Variants in ZC3H7B observed in about 807,000 individuals in gnomAD.
ZC3H7B encodes the protein zinc finger CCCH domain-containing protein 7B.
In ZC3H7B, 35 loss-of-function variants were observed where a neutral mutation model predicts 116.0. That is an observed-to-expected ratio of 0.30 (90% CI 0.23 to 0.40). ZC3H7B has a LOEUF of 0.40. ZC3H7B is among the 10% of genes least tolerant of loss of function. The probability of loss-of-function intolerance (pLI) is 1.00; values close to 1 mark genes in which losing one functional copy is unlikely to be tolerated. For synonymous variants in ZC3H7B, 502 were observed against 545.6 expected (o/e 0.92, Z 1.11); for missense variants, 1,011 against 1,321.5 (o/e 0.77, Z 3.64).
At chr22:41,305,994 A>G (rs1018325879) in intron 1 of ZC3H7B, among the ~76,000 whole-genome samples, 1 of 152,214 alleles carries the variant, frequency 6.6e-6, no homozygotes, top group Non-Finnish European at 1.5e-5. Context: ...TGCCATTTGA[A>G]CATCTGAAAG....
rs1419393983 is a variant in ZC3H7B at position 41,330,161 on chromosome 22, G to A, written c.525+58G>A. ...GTGGACGTGAGGAGGTCTGAAGGGA[G>A]GGACCAGGCTCCGTGGGGAAGGTGG... On this transcript the variant is annotated intron_variant, in intron 6 of 22. Transcript: ENST00000352645. 8.8e-6 allele frequency: 14 copies of A among 1,586,118 alleles called. No homozygotes were observed. In the East Asian group the frequency reaches 2.5e-4, roughly 28 times the overall value.
rs558808065 is a variant in ZC3H7B at position 41,314,123 on chromosome 22, G to A, written c.-6-6532G>A. On this transcript the variant is annotated intron_variant, in intron 1 of 22. Transcript: ENST00000352645. ...ATTTTCCTGTGAATTTCCTTTTTAT[G>A]TTTTTTGCCCTTTTTAATTTTTATT... 6.6e-5 allele frequency among the ~76,000 whole-genome samples: 10 copies of A among 151,284 alleles called. No individual in the cohort carries two copies. The East Asian group carries it at 1.9e-3, about 29-fold the overall frequency.
At position 41,346,308 on chromosome 22, in the gene ZC3H7B, C is replaced by T. The variant is rs7290005; in HGVS notation, c.1665+100C>T. ...CACCATAGGAAGTCAGCCCTGGAAC[C>T]CGTGGGCTGTGGAGGCCTGGTCTTA... On this transcript the variant is annotated intron_variant, in intron 14 of 22. Transcript: ENST00000352645. This position sits in a 1 kb window ranked among gnomAD's most constrained non-coding sequence, Gnocchi z 5.3. The T allele has an allele frequency of 0.044, 59,948 of 1,361,956 alleles. 1,612 individuals are homozygous for T. Among genetic ancestry groups the T allele is most frequent in the Middle Eastern group, 0.091 (359 of 3,964 alleles). 84.4% of individuals were successfully genotyped at this position (1,361,956 alleles called of 1,614,324 possible). A position where few individuals can be genotyped will look rare whatever the true frequency, so the allele number is the denominator to read the frequency against.
At chr22:41,344,190 G>C (rs1004252076) in intron 13 of ZC3H7B, among the ~76,000 whole-genome samples, 15 of 152,214 alleles carry the variant, frequency 9.9e-5, no homozygotes, top group East Asian at 9.6e-4. Flanking sequence ...CCAGCATGCA[G>C]CCTCACAGCT....
chr22:41,314,790 A>G (rs930680744), intron 1 of ZC3H7B, among the ~76,000 whole-genome samples: 2 of 147,026 alleles, frequency 1.4e-5, no homozygotes, highest in Non-Finnish European at 3.0e-5. Flanking sequence ...TTGTATTTTT[A>G]GTAGAGACAG....
At chr22:41,306,830 C>T (rs1298205239) in intron 1 of ZC3H7B, among the ~76,000 whole-genome samples, 1 of 152,114 alleles carries the variant, frequency 6.6e-6, no homozygotes, top group African/African-American at 2.4e-5. Flanking sequence ...TGGTGTGGGC[C>T]TGGGAAGGAG....
intron 15 of ZC3H7B, 127 bp from the exon 16 acceptor site, chr22:41,348,993 C>A (rs1023449095): frequency 3.8e-6 from 4 of 1,061,692 alleles, no homozygotes; most frequent in Non-Finnish European, 5.4e-6. Flanking sequence ...CATCCATGGC[C>A]TGGATTTGGT....
intron 10 of ZC3H7B, 123 bp downstream of exon 10, chr22:41,340,260 C>T (rs2036504452): frequency 1.9e-6 from 2 of 1,076,770 alleles, no homozygotes; most frequent in East Asian, 2.6e-5. Context: ...CCTTAGCAAT[C>T]CCAGGCCATG....
At chr22:41,333,559 C>T (rs1447987380) in intron 7 of ZC3H7B, 1 of 152,046 alleles carries the variant, frequency 6.6e-6, no homozygotes, top group African/African-American at 2.4e-5. Flanking sequence ...CCAGGAGGCA[C>T]AGTTTGCAGT....
intron 22 of ZC3H7B, 51 bp downstream of exon 22, chr22:41,356,859 T>C: frequency 6.2e-7 from 1 of 1,607,028 alleles, no homozygotes; most frequent in Non-Finnish European, 8.5e-7. Flanking sequence ...CCCGAGGAGA[T>C]GGAGTCCGTG....
chr22:41,303,867 C>A (rs1019902131), intron 1 of ZC3H7B, among the ~76,000 whole-genome samples: 5 of 150,960 alleles, frequency 3.3e-5, no homozygotes, highest in African/African-American at 4.9e-5. Flanking sequence ...ACGCCATTCT[C>A]CTGCCTCAGC....
At chr22:41,317,666 C>G (rs2036201531) in intron 1 of ZC3H7B, among the ~76,000 whole-genome samples, 1 of 152,154 alleles carries the variant, frequency 6.6e-6, no homozygotes, top group South Asian at 2.1e-4. Flanking sequence ...GTGTGGTGGT[C>G]CCAGCTACTC....
Position 41,339,013 on chromosome 22 carries a change from A to C in ZC3H7B, c.638A>C (p.Asp213Ala). The C allele has an allele frequency of 6.3e-7, 1 of 1,587,216 alleles. No individual in the cohort carries two copies. Among genetic ancestry groups the C allele is most frequent in the Non-Finnish European group, 8.6e-7 (1 of 1,164,416 alleles). The change falls in exon 9 of 23, where the codon GAC (aspartate) becomes GCC (alanine). Residue 213 changes from aspartate to alanine, a missense_variant. By Grantham distance (126) the Asp-to-Ala change is moderately radical (BLOSUM62 -2). Transcript: ENST00000352645. Reference sequence around the variant, plus strand: ...ACCCCATCCGCAGACTGCTACGTGGACCCTCGAGGCTCCCCAGCCCTTCTC... The same window carrying C: ...ACCCCATCCGCAGACTGCTACGTGGCCCCTCGAGGCTCCCCAGCCCTTCTC... Reference protein sequence around the residue: ...IDDIETDCYVDPRGSPALLPS... With the variant: ...IDDIETDCYVAPRGSPALLPS...
At position 41,346,718 on chromosome 22, in the gene ZC3H7B, A is replaced by G. The variant is rs1472488028; in HGVS notation, c.1665+510A>G. Among the ~76,000 whole-genome samples, 1 of 152,144 alleles carries G rather than the reference A, an allele frequency of 6.6e-6. No individual in the cohort carries two copies. The highest frequency in any genetic ancestry group is 1.5e-5 in the Non-Finnish European group (1 of 68,020). On this transcript the variant is annotated intron_variant, in intron 14 of 22. Transcript: ENST00000352645. The surrounding 1 kb of genome is among the most constrained non-coding windows in gnomAD (Gnocchi z 5.3). ...GTAGTCCCAGCTAGTTGGGAGGCTG[A>G]GGCAGGAGAATCACTTGAACTGGGG...
chr22:41,353,958 G>T (rs1569244207), intron 17 of ZC3H7B, among the ~76,000 whole-genome samples: 1 of 152,222 alleles, frequency 6.6e-6, no homozygotes, highest in Admixed American at 6.5e-5. Flanking sequence ...CACTAGCTGG[G>T]TGTGGTAGCT....
Position 41,351,537 on chromosome 22 carries a change from T to C in ZC3H7B, c.1949-24T>C, listed in dbSNP as rs2145940949. On this transcript the variant is annotated intron_variant, in intron 16 of 22. Coordinates refer to ENST00000352645, the MANE Select transcript of ZC3H7B (RefSeq NM_017590.6). This position sits in a 1 kb window ranked among gnomAD's most constrained non-coding sequence, Gnocchi z 5.1. ...CTTGCTGAGCACCTTGAAAGATGCC[T>C]GTGTCTGCCCCCACCCTCCCCAGGC... The C allele has an allele frequency of 6.2e-7, 1 of 1,605,868 alleles. No homozygotes were observed. The highest frequency in any genetic ancestry group is 8.5e-7 in the Non-Finnish European group (1 of 1,176,202).
rs890095501 is a variant in ZC3H7B at position 41,346,294 on chromosome 22, G to A, written c.1665+86G>A. On this transcript the variant is annotated intron_variant, in intron 14 of 22. Transcript: ENST00000352645. This position sits in a 1 kb window ranked among gnomAD's most constrained non-coding sequence, Gnocchi z 5.3. Reference sequence around the variant, plus strand: ...TCCCTGGCACGGACCACCATAGGAAGTCAGCCCTGGAACCCGTGGGCTGTG... The same window carrying A: ...TCCCTGGCACGGACCACCATAGGAAATCAGCCCTGGAACCCGTGGGCTGTG... 1 of 1,474,540 alleles carries A rather than the reference G, an allele frequency of 6.8e-7. No individual in the cohort carries two copies. Among genetic ancestry groups the A allele is most frequent in the African/African-American group, 1.4e-5 (1 of 72,030 alleles). The allele number at this position is 1,474,540 out of a possible 1,614,324, so 91.3% of individuals were successfully genotyped here. A position where few individuals can be genotyped will look rare whatever the true frequency, so the allele number is the denominator to read the frequency against.
intron 12 of ZC3H7B, among the ~76,000 whole-genome samples, chr22:41,343,122 G>A (rs574112082): frequency 1.3e-5 from 2 of 152,252 alleles, no homozygotes; most frequent in Admixed American, 6.5e-5. Context: ...GCAGTGAGTT[G>A]GGATCACACT....
chr22:41,339,227 C>T, intron 9 of ZC3H7B, 36 bp downstream of exon 9: 3 of 1,567,070 alleles, frequency 1.9e-6, no homozygotes, highest in Non-Finnish European at 2.6e-6. Flanking sequence ...TCCCCTGATC[C>T]CCTCTCCCCG....
Sources: gnomAD v4.1 joint callset for allele counts (sites outside exome capture counted in the v4.1 genomes callset) on GRCh38, gnomAD v4.1.1 for gene constraint, Gnocchi (gnomAD v3.1) non-coding constraint, MANE v1.5 for transcripts, NCBI Gene and HGNC (gene_info 2026-07-23, HGNC 2026-07-21) for gene names.